Variants in CCDC178 observed in about 807,000 individuals in gnomAD.
CCDC178 encodes coiled-coil domain containing 178, also known as coiled-coil domain-containing protein 178.
Under a neutral mutation model 117.4 loss-of-function variants are expected in CCDC178, and 126 were observed. The ratio of observed to expected loss-of-function variants is 1.07; its 90% confidence interval spans 0.93 to 1.24. The LOEUF (loss-of-function observed/expected upper bound fraction) is 1.24, where lower values mean the gene tolerates loss of function less well. CCDC178 is among the 50% of genes most tolerant of loss of function. The probability of loss-of-function intolerance (pLI) is 0.00; values close to 1 mark genes in which losing one functional copy is unlikely to be tolerated. For synonymous variants in CCDC178, 283 were observed against 313.4 expected (o/e 0.90, Z 1.02); for missense variants, 1,030 against 986.9 (o/e 1.04, Z -0.59).
At chr18:33,259,492 G>A (rs114756542) in intron 14 of CCDC178, among the ~76,000 whole-genome samples, 234 of 152,244 alleles carry the variant, frequency 1.5e-3, no homozygotes, top group African/African-American at 5.0e-3. Flanking sequence ...CAATCATAGC[G>A]GAAGGCAAAG....
rs36227101 is a variant in CCDC178 at position 33,278,282 on chromosome 18, CATATAT to C, written c.1177-10991_1177-10986del. On this transcript the variant is annotated intron_variant, in intron 12 of 22. Coordinates refer to ENST00000383096, the MANE Select transcript of CCDC178 (RefSeq NM_001105528.4). The stretch of plus-strand genomic sequence containing the variant: ...ACATACACATATATATACACAAATA[CATATAT>C]ATATATATATATATATATATATATA... Among the ~76,000 whole-genome samples, 1,032 of 141,352 alleles carry C rather than the reference CATATAT, an allele frequency of 7.3e-3. 4 individuals carry two copies. Among genetic ancestry groups the C allele is most frequent in the Non-Finnish European group, 9.8e-3 (641 of 65,718 alleles). 92.7% of individuals were successfully genotyped at this position (141,352 alleles called of 152,430 possible).
At position 33,329,299 on chromosome 18, in the gene CCDC178, C is replaced by A. The variant is rs1394131296; in HGVS notation, c.879+3875G>T. On this transcript the variant is annotated intron_variant, in intron 10 of 22. Coordinates refer to ENST00000383096, the MANE Select transcript of CCDC178 (RefSeq NM_001105528.4). ...CTTTTATTTCTTTTACTTGCCTAAC[C>A]ACTCTGGCTTGAACTTTCTGTACAA... Among the ~76,000 whole-genome samples the A allele has an allele frequency of 2.6e-5, 4 of 152,118 alleles. No individual in the cohort carries two copies. In the East Asian group the frequency reaches 5.8e-4, roughly 22 times the overall value.
intron 3 of CCDC178, among the ~76,000 whole-genome samples, chr18:33,405,850 G>A (rs2063772917): frequency 6.6e-6 from 1 of 152,088 alleles, no homozygotes; most frequent in African/African-American, 2.4e-5. Context: ...TGACAATGCA[G>A]ATCCAGTACT....
chr18:33,182,599 C>T lies in CCDC178; in HGVS notation c.2238+29297G>A, dbSNP rs190289190. Among the ~76,000 whole-genome samples the T allele has an allele frequency of 4.4e-3, 676 of 151,918 alleles. 2 individuals are homozygous for T. The highest frequency in any genetic ancestry group is 0.01 in the Middle Eastern group (3 of 294). On this transcript the variant is annotated intron_variant, in intron 20 of 22. Transcript: ENST00000383096. ...AAGCTAATACATTTTTCATCAAGTG[C>T]TAATAGATGAAAATGATTAGTTAGA...
At chr18:33,032,634 G>A (rs2056365565) in intron 21 of CCDC178, among the ~76,000 whole-genome samples, 1 of 151,988 alleles carries the variant, frequency 6.6e-6, no homozygotes, top group Non-Finnish European at 1.5e-5. Context: ...GGCTATCTGG[G>A]GTACTCATGG....
chr18:33,171,166 C>A (rs1598958241), intron 20 of CCDC178, among the ~76,000 whole-genome samples: 1 of 152,246 alleles, frequency 6.6e-6, no homozygotes, highest in African/African-American at 2.4e-5. Context: ...AATAGATAAG[C>A]ATGGGCCATA....
chr18:33,147,098 C>A (rs1261214208), intron 20 of CCDC178, among the ~76,000 whole-genome samples: 1 of 151,290 alleles, frequency 6.6e-6, no homozygotes, highest in Non-Finnish European at 1.5e-5. Context: ...GAACACAACA[C>A]TAATCCCAGA....
intron 21 of CCDC178, among the ~76,000 whole-genome samples, chr18:33,058,309 TG>T (rs1321321698): frequency 1.3e-5 from 2 of 152,222 alleles, no homozygotes; most frequent in Non-Finnish European, 2.9e-5. Flanking sequence ...GTAGTATTAC[TG>T]GGCAGTAAAA....
chr18:33,283,302 A>C (rs1380473759), intron 12 of CCDC178, among the ~76,000 whole-genome samples: 1 of 152,134 alleles, frequency 6.6e-6, no homozygotes, highest in African/African-American at 2.4e-5. Context: ...AAACCCCCAA[A>C]GTCATCAACA....
At chr18:33,415,673 G>GT (rs2063930308) in intron 2 of CCDC178, among the ~76,000 whole-genome samples, 1 of 152,024 alleles carries the variant, frequency 6.6e-6, no homozygotes, top group African/African-American at 2.4e-5. Flanking sequence ...TTGTGCACAT[G>GT]TACCCTAGAA....
chr18:33,294,722 T>G (rs951301384), intron 11 of CCDC178, among the ~76,000 whole-genome samples: 1 of 152,168 alleles, frequency 6.6e-6, no homozygotes, highest in African/African-American at 2.4e-5. Flanking sequence ...ATTCAAAATG[T>G]GTAAGTTTGA....
chr18:33,120,916 G>C (rs1025499748), intron 20 of CCDC178, among the ~76,000 whole-genome samples: 2 of 152,002 alleles, frequency 1.3e-5, no homozygotes, highest in Non-Finnish European at 2.9e-5. Flanking sequence ...ACATGTTTTT[G>C]GTTGTATGTA....
At chr18:33,044,468 A>G (rs997099737) in intron 21 of CCDC178, among the ~76,000 whole-genome samples, 3 of 151,858 alleles carry the variant, frequency 2.0e-5, no homozygotes, top group Admixed American at 1.3e-4. Context: ...CCACAATGAG[A>G]CTCCTCCATC....
chr18:33,314,567 C>T (rs2062392190), intron 11 of CCDC178, among the ~76,000 whole-genome samples: 1 of 152,058 alleles, frequency 6.6e-6, no homozygotes, highest in South Asian at 2.1e-4. Flanking sequence ...ACCAGGAGGT[C>T]CTCAGAAATA....
chr18:33,383,026 C>T (rs914764723), intron 5 of CCDC178, among the ~76,000 whole-genome samples: 1 of 152,118 alleles, frequency 6.6e-6, no homozygotes, highest in Non-Finnish European at 1.5e-5. Context: ...GGATGACTGC[C>T]ATTTCTGTGG....
At chr18:33,367,690 T>A (rs2063231713) in intron 6 of CCDC178, among the ~76,000 whole-genome samples, 1 of 152,012 alleles carries the variant, frequency 6.6e-6, no homozygotes, top group Non-Finnish European at 1.5e-5. Flanking sequence ...AGATTTGAAC[T>A]AAATATCTAA....
At chr18:33,373,741 T>C (rs2063330891) in intron 5 of CCDC178, among the ~76,000 whole-genome samples, 1 of 152,160 alleles carries the variant, frequency 6.6e-6, no homozygotes, top group Non-Finnish European at 1.5e-5. Flanking sequence ...ATTAAGTGCC[T>C]TAAATAATTA....
rs767463708 is a variant in CCDC178 at position 33,356,310 on chromosome 18, T to C, written c.371+14A>G. ...AAAAATAAAATAGTTTTAAAAAGCATGAAATTTTCTTACCATTCTTCAAAA... is the reference window on the plus strand; with the variant it reads ...AAAAATAAAATAGTTTTAAAAAGCACGAAATTTTCTTACCATTCTTCAAAA... On this transcript the variant is annotated intron_variant, in intron 7 of 22. Transcript: ENST00000383096. 4.7e-6 allele frequency: 7 copies of C among 1,475,716 alleles called. No homozygotes were observed. The African/African-American group carries it at 7.1e-5, about 15-fold the overall frequency. The allele number at this position is 1,475,716 out of a possible 1,614,324, so 91.4% of individuals were successfully genotyped here.
chr18:33,419,634 T>C (rs1018404139), intron 2 of CCDC178, among the ~76,000 whole-genome samples: 2 of 152,146 alleles, frequency 1.3e-5, no homozygotes, highest in Non-Finnish European at 2.9e-5. Context: ...AAACGACATG[T>C]AGACTTTTCA....
Sources: gnomAD v4.1 joint callset for allele counts (sites outside exome capture counted in the v4.1 genomes callset) on GRCh38, gnomAD v4.1.1 for gene constraint, MANE v1.5 for transcripts, NCBI Gene and HGNC (gene_info 2026-07-23, HGNC 2026-07-21) for gene names.